ATP10B: variants seen among roughly 807,000 people sequenced by gnomAD.
ATP10B encodes ATPase phospholipid transporting 10B (putative), also known as phospholipid-transporting ATPase VB.
A neutral mutation model predicts 141.2 loss-of-function variants in ATP10B; 122 were observed. That is an observed-to-expected ratio of 0.86 (90% CI 0.75 to 1.00). The LOEUF is 1.00. Among genes scored for constraint, ATP10B ranks in the 50% least tolerant of loss-of-function variants. The pLI is 0.00. For missense variants in ATP10B, 1,876 were observed against 1,825.3 expected (o/e 1.03, Z -0.51); for synonymous variants, 685 against 692.0 (o/e 0.99, Z 0.16).
intron 7 of ATP10B, among the ~76,000 whole-genome samples, chr5:160,650,742 G>A (rs545503045): frequency 2.4e-4 from 36 of 152,248 alleles, no homozygotes; most frequent in South Asian, 2.3e-3. Context: ...TTACACGTAG[G>A]CATATAGCTT....
intron 13 of ATP10B, among the ~76,000 whole-genome samples, chr5:160,623,803 G>A (rs1758477736): frequency 6.6e-6 from 1 of 152,178 alleles, no homozygotes; most frequent in African/African-American, 2.4e-5. Flanking sequence ...GGCAGTGGTG[G>A]TGTCTGGTTT....
the ATP10B span, among the ~76,000 whole-genome samples, chr5:160,891,002 CGTGTGT>C: frequency 1.2e-3 from 178 of 151,176 alleles, no homozygotes; most frequent in African/African-American, 4.2e-3. Context: ...TATGTGTGTG[CGTGTGT>C]GTGTGTGTGT....
In ATP10B at chr5:160,640,712, A is replaced by C. The variant is rs1202378520; in HGVS notation, c.869-120T>G. 7.5e-6 allele frequency: 10 copies of C among 1,336,954 alleles called. No homozygotes were observed. The Admixed American group carries it at 2.4e-4, about 33-fold the overall frequency. The allele number at this position is 1,336,954 out of a possible 1,614,324, so 82.8% of individuals were successfully genotyped here. On this transcript the variant is annotated intron_variant, in intron 9 of 25. Coordinates refer to ENST00000327245, the MANE Select transcript of ATP10B (RefSeq NM_025153.3). ...AGAGAGGCTTCACTCTTTAACCTGA[A>C]CTTGCCCCGCCTCAGAAGGTTGCTG...
chr5:160,856,146 C>T (rs1753992682), upstream of ATP10B, among the ~76,000 whole-genome samples: 1 of 151,740 alleles, frequency 6.6e-6, no homozygotes, highest in African/African-American at 2.4e-5. Flanking sequence ...GTATTAAATT[C>T]ATATACTAAT....
At position 160,589,784 on chromosome 5, in the gene ATP10B, G is replaced by T. The variant is rs912750058; in HGVS notation, c.3646-88C>A. 43 of 969,448 alleles carry T rather than the reference G, an allele frequency of 4.4e-5. No individual in the cohort carries two copies. The Admixed American group carries it at 8.1e-4, about 18-fold the overall frequency. The allele number at this position is 969,448 out of a possible 1,614,324, so 60.1% of individuals were successfully genotyped here. On this transcript the variant is annotated intron_variant, in intron 23 of 25. Transcript: ENST00000327245. ...CAGTGATTATAAAGCATCAATGAAG[G>T]CAGTTGTCAATGGAGAAGGAGGTAC... is the stretch of plus-strand genomic sequence containing the variant.
At chr5:160,865,668 T>G in the ATP10B span, among the ~76,000 whole-genome samples, 1 of 151,968 alleles carries the variant, frequency 6.6e-6, no homozygotes, top group Non-Finnish European at 1.5e-5. Flanking sequence ...TATTCACAAC[T>G]ATGCATCTGA....
At chr5:160,638,323 C>A (rs1379006369) in intron 10 of ATP10B, among the ~76,000 whole-genome samples, 1 of 152,098 alleles carries the variant, frequency 6.6e-6, no homozygotes, top group Admixed American at 6.6e-5. Context: ...TGTCCTGTGA[C>A]CTTTTAATCA....
chr5:160,849,112 T>C (rs557751190), intron 1 of ATP10B, among the ~76,000 whole-genome samples: 19 of 152,254 alleles, frequency 1.2e-4, no homozygotes, highest in Admixed American at 6.5e-5. Context: ...GGAAGCATAT[T>C]TGGGAACCAC....
At chr5:160,762,271 T>C (rs545785714) in intron 2 of ATP10B, among the ~76,000 whole-genome samples, 2 of 152,288 alleles carry the variant, frequency 1.3e-5, no homozygotes, top group East Asian at 3.9e-4. Context: ...CATCGGGTTA[T>C]CTAAAGTCAG....
chr5:160,917,365 A>T, the ATP10B span, among the ~76,000 whole-genome samples: 1 of 150,108 alleles, frequency 6.7e-6, no homozygotes, highest in African/African-American at 2.5e-5. Flanking sequence ...GGACACAGTT[A>T]CATATCTTCC....
chr5:160,699,758 G>C (rs906721645), intron 3 of ATP10B, among the ~76,000 whole-genome samples: 1 of 152,114 alleles, frequency 6.6e-6, no homozygotes, highest in African/African-American at 2.4e-5. Context: ...AGGAAAAGGG[G>C]GAGGGAAAGG....
At chr5:160,751,525 T>G (rs1437755597) in intron 2 of ATP10B, among the ~76,000 whole-genome samples, 1 of 152,042 alleles carries the variant, frequency 6.6e-6, no homozygotes, top group Non-Finnish European at 1.5e-5. Context: ...TATCTCTTCC[T>G]ATAACTAGGA....
chr5:160,698,447 G>A lies in ATP10B; in HGVS notation c.-204-9504C>T, dbSNP rs566198857. ...ATTCAAAGGCATTATTAATTTTATG[G>A]TAGGATTTGCAATTATATATTTTCT... is the stretch of plus-strand genomic sequence containing the variant. On this transcript the variant is annotated intron_variant, in intron 3 of 25. Coordinates refer to ENST00000327245, the MANE Select transcript of ATP10B (RefSeq NM_025153.3). Among the ~76,000 whole-genome samples, 20 of 152,162 alleles carry A rather than the reference G, an allele frequency of 1.3e-4. No individual in the cohort carries two copies. In the East Asian group the frequency reaches 3.7e-3, roughly 28 times the overall value.
intron 1 of ATP10B, among the ~76,000 whole-genome samples, chr5:160,795,255 A>G (rs1365978421): frequency 6.6e-6 from 1 of 152,094 alleles, no homozygotes; most frequent in Non-Finnish European, 1.5e-5. Flanking sequence ...TATCTTTCTT[A>G]AAGTTTCACA....
At chr5:160,747,909 T>C (rs1414618490) in intron 2 of ATP10B, among the ~76,000 whole-genome samples, 1 of 150,550 alleles carries the variant, frequency 6.6e-6, no homozygotes, top group African/African-American at 2.4e-5. Flanking sequence ...CTTCTCCCTG[T>C]TTGCCTCAAG....
At chr5:160,708,784 G>A (rs1188018647) in intron 3 of ATP10B, among the ~76,000 whole-genome samples, 24 of 152,294 alleles carry the variant, frequency 1.6e-4, no homozygotes, top group South Asian at 6.2e-4. Flanking sequence ...CATGATGGAA[G>A]AGCTGTCTGT....
At chr5:160,644,394 C>T (rs1760119088) in intron 8 of ATP10B, 150 bp from the exon 9 acceptor site, 7 of 640,520 alleles carry the variant, frequency 1.1e-5, no homozygotes, top group South Asian at 1.1e-4. Context: ...AATCTAATCT[C>T]CTTCATGTTC....
At position 160,750,469 on chromosome 5, in the gene ATP10B, A is replaced by T. The variant is rs186471078; in HGVS notation, c.-330-33435T>A. 2.5e-3 allele frequency among the ~76,000 whole-genome samples: 378 copies of T among 152,270 alleles called. 3 individuals are homozygous for T. Among genetic ancestry groups the T allele is most frequent in the African/African-American group, 8.8e-3 (366 of 41,536 alleles). ...CATTTTTCACTTCTCTCTTTCACCC[A>T]TAATAACTATTGTTGGTTCTAAGTC... On this transcript the variant is annotated intron_variant, in intron 2 of 25. Transcript: ENST00000327245.
intron 22 of ATP10B, among the ~76,000 whole-genome samples, chr5:160,594,152 C>T (rs1646655527): frequency 1.3e-5 from 2 of 152,172 alleles, no homozygotes; most frequent in Non-Finnish European, 2.9e-5. Flanking sequence ...GGTCAGGTTA[C>T]CCACAAAGGG....
Sources: gnomAD v4.1 joint callset for allele counts (sites outside exome capture counted in the v4.1 genomes callset) on GRCh38, gnomAD v4.1.1 for gene constraint, MANE v1.5 for transcripts, NCBI Gene and HGNC (gene_info 2026-07-23, HGNC 2026-07-21) for gene names.